Variants in CNNM2 observed in about 807,000 individuals in gnomAD.
CNNM2 encodes cyclin and CBS domain divalent metal cation transport mediator 2, also known as metal transporter CNNM2.
Under a neutral mutation model 66.9 loss-of-function variants are expected in CNNM2, and 12 were observed. The observed-to-expected ratio is 0.18, with a 90% CI of 0.11 to 0.29. CNNM2 has a LOEUF of 0.29. Ranked by LOEUF, CNNM2 falls within the 10% of genes least tolerant of loss-of-function variation. CNNM2 has a pLI of 1.00. For synonymous variants in CNNM2, 557 were observed against 501.8 expected (o/e 1.11, Z -1.47); for missense variants, 705 against 1,167.7 (o/e 0.60, Z 5.77).
intron 1 of CNNM2, among the ~76,000 whole-genome samples, chr10:102,980,948 G>T (rs1170423379): frequency 6.6e-6 from 1 of 152,094 alleles, no homozygotes; most frequent in Non-Finnish European, 1.5e-5. Flanking sequence ...AATACATCAG[G>T]TTATGCATCA....
Position 102,977,434 on chromosome 10 carries a change from C to A in CNNM2, c.1621+57333C>A, listed in dbSNP as rs535713762. Among the ~76,000 whole-genome samples, 7 of 152,286 alleles carry A rather than the reference C, an allele frequency of 4.6e-5. No individual in the cohort carries two copies. The South Asian group carries it at 1.2e-3, about 27-fold the overall frequency. On this transcript the variant is annotated intron_variant, in intron 1 of 7. Transcript: ENST00000369878. The stretch of plus-strand genomic sequence containing the variant: ...TTGGGATACTCAACCTGTATTTCAA[C>A]TGGGAATAGTTTGTTTCTCAAATTG...
At chr10:102,960,533 T>C (rs1200471492) in intron 1 of CNNM2, among the ~76,000 whole-genome samples, 1 of 152,222 alleles carries the variant, frequency 6.6e-6, no homozygotes, top group Non-Finnish European at 1.5e-5. Flanking sequence ...TTATTTATCT[T>C]TTTAAAATTT....
chr10:103,004,239 G>T (rs2064182551), intron 1 of CNNM2, among the ~76,000 whole-genome samples: 1 of 151,996 alleles, frequency 6.6e-6, no homozygotes, highest in African/African-American at 2.4e-5. Flanking sequence ...CCGACCTCAG[G>T]TGATCTGCCC....
chr10:102,929,065 G>A (rs1590263084), intron 1 of CNNM2, among the ~76,000 whole-genome samples: 1 of 151,974 alleles, frequency 6.6e-6, no homozygotes, highest in South Asian at 2.1e-4. Flanking sequence ...TTCAAGACCA[G>A]CATGGCCAAC....
At position 103,071,754 on chromosome 10, in the gene CNNM2, T is replaced by C; in HGVS notation, c.2168-20T>C. 1.9e-6 allele frequency: 3 copies of C among 1,609,518 alleles called. No individual in the cohort carries two copies. Among genetic ancestry groups the C allele is most frequent in the Non-Finnish European group, 2.6e-6 (3 of 1,175,808 alleles). On this transcript the variant is annotated intron_variant, in intron 5 of 7. Coordinates refer to ENST00000369878, the MANE Select transcript of CNNM2 (RefSeq NM_017649.5). ...CTTGCCTTTTGATGCGATCTCACCC[T>C]GTTTTTCTCCATTTTTCAGTTCCTT... is the stretch of plus-strand genomic sequence containing the variant.
chr10:103,068,582 T>C (rs760873082), intron 4 of CNNM2, 47 bp from the exon 5 acceptor site: 32 of 1,471,106 alleles, frequency 2.2e-5, no homozygotes, highest in South Asian at 9.6e-5. Flanking sequence ...AGTGTGCCAG[T>C]AGGCTTTTGC....
chr10:103,043,830 G>GA (rs1455696931), intron 1 of CNNM2, among the ~76,000 whole-genome samples: 1 of 152,158 alleles, frequency 6.6e-6, no homozygotes, highest in Non-Finnish European at 1.5e-5. Context: ...TGAATTTGAG[G>GA]AGAGATGTAT....
chr10:103,017,418 A>G (rs970892520), intron 1 of CNNM2, among the ~76,000 whole-genome samples: 11 of 152,202 alleles, frequency 7.2e-5, no homozygotes, highest in Non-Finnish European at 1.5e-4. Flanking sequence ...GCAAATAAAT[A>G]TGAACCAAAA....
At chr10:103,020,591 ACTTT>A (rs2064554874) in intron 1 of CNNM2, among the ~76,000 whole-genome samples, 1 of 152,184 alleles carries the variant, frequency 6.6e-6, no homozygotes, top group Non-Finnish European at 1.5e-5. Context: ...CCCTAGTAGA[ACTTT>A]CTTTCTAGTG....
intron 1 of CNNM2, among the ~76,000 whole-genome samples, chr10:102,971,479 ACT>A (rs1269589416): frequency 6.6e-6 from 1 of 151,882 alleles, no homozygotes; most frequent in African/African-American, 2.4e-5. Flanking sequence ...CCCTCATTCT[ACT>A]CTTACTTGTC....
intron 7 of CNNM2, 107 bp downstream of exon 7, chr10:103,076,377 C>T: frequency 9.0e-7 from 1 of 1,111,538 alleles, no homozygotes; most frequent in Non-Finnish European, 1.3e-6. Context: ...CCCTTTGTCA[C>T]TTTGTGGGTG....
At chr10:102,991,966 T>G (rs1319872419) in intron 1 of CNNM2, among the ~76,000 whole-genome samples, 1 of 152,222 alleles carries the variant, frequency 6.6e-6, no homozygotes, top group Non-Finnish European at 1.5e-5. Context: ...TACATTAAAG[T>G]TTTTTAGAGC....
chr10:102,996,591 G>C (rs1298788826), intron 1 of CNNM2, among the ~76,000 whole-genome samples: 2 of 152,306 alleles, frequency 1.3e-5, no homozygotes, highest in East Asian at 1.9e-4. Context: ...TGTAGTCCTA[G>C]TACTCGGGAG....
intron 1 of CNNM2, among the ~76,000 whole-genome samples, chr10:102,926,537 C>A (rs1478571848): frequency 4.6e-5 from 7 of 151,962 alleles, no homozygotes; most frequent in Admixed American, 3.3e-4. Flanking sequence ...TGTGGGTTTT[C>A]CTGCTTTTAC....
At chr10:102,947,801 T>C (rs767779669) in intron 1 of CNNM2, among the ~76,000 whole-genome samples, 8 of 149,810 alleles carry the variant, frequency 5.3e-5, no homozygotes, top group South Asian at 2.1e-4. Flanking sequence ...CCTGTAATCC[T>C]AGCACTTTGG....
At chr10:102,986,702 C>G (rs917945836) in intron 1 of CNNM2, among the ~76,000 whole-genome samples, 2 of 150,668 alleles carry the variant, frequency 1.3e-5, no homozygotes, top group Non-Finnish European at 2.9e-5. Flanking sequence ...ATGCTGTGAA[C>G]CTGGGAGGCG....
chr10:103,003,813 C>T (rs568885714), intron 1 of CNNM2, among the ~76,000 whole-genome samples: 194 of 151,872 alleles, frequency 1.3e-3, no homozygotes, highest in Non-Finnish European at 1.7e-3. Context: ...TGTATCCCCC[C>T]GGGTAACCAC....
intron 1 of CNNM2, among the ~76,000 whole-genome samples, chr10:102,980,156 G>A (rs2134228919): frequency 6.6e-6 from 1 of 152,120 alleles, no homozygotes; most frequent in East Asian, 1.9e-4. Context: ...TGGCCAGGCT[G>A]GTCTCAGAAC....
At chr10:102,967,788 C>G (rs571173101) in intron 1 of CNNM2, among the ~76,000 whole-genome samples, 2 of 152,192 alleles carry the variant, frequency 1.3e-5, no homozygotes, top group Admixed American at 1.3e-4. Context: ...GCGGGCGGAT[C>G]ACCTGAGGTC....
Sources: allele counts gnomAD v4.1 joint callset (sites outside exome capture counted in the v4.1 genomes callset), GRCh38; gene constraint gnomAD v4.1.1; transcripts MANE v1.5; gene names NCBI Gene and HGNC (gene_info 2026-07-23, HGNC 2026-07-21).